ARHGEF18: variants seen among roughly 807,000 people sequenced by gnomAD.
ARHGEF18 encodes the protein rho guanine nucleotide exchange factor 18.
ARHGEF18 carries 93 observed loss-of-function variants against 155.7 expected under a neutral mutation model. The observed-to-expected ratio is 0.60, with a 90% CI of 0.50 to 0.71. The LOEUF (loss-of-function observed/expected upper bound fraction) is 0.71. Ranked by LOEUF, ARHGEF18 falls within the 30% of genes least tolerant of loss-of-function variation. ARHGEF18 has a pLI of 0.00. For synonymous variants in ARHGEF18, 742 were observed against 753.1 expected, an observed-to-expected ratio of 0.99 and a Z score of 0.24; for missense variants, 1,593 against 1,816.1, an observed-to-expected ratio of 0.88 and a Z score of 2.23.
intron 10 of ARHGEF18, among the ~76,000 whole-genome samples, chr19:7,437,483 G>T (rs936335741): frequency 4.6e-5 from 7 of 151,398 alleles, no homozygotes; most frequent in Admixed American, 3.9e-4. Flanking sequence ...GAGCTGCTGC[G>T]AGTACGTTTT....
At chr19:7,424,916 C>T (rs1389375277) in intron 10 of ARHGEF18, among the ~76,000 whole-genome samples, 5 of 151,666 alleles carry the variant, frequency 3.3e-5, no homozygotes, top group Non-Finnish European at 7.4e-5. Context: ...ATCGCTGGAA[C>T]CCGGGAGGCA....
chr19:7,409,327 TA>T (rs142783549), intron 10 of ARHGEF18, among the ~76,000 whole-genome samples: 40 of 114,668 alleles, frequency 3.5e-4, no homozygotes, highest in African/African-American at 4.0e-4. Context: ...CCCTGTTTCT[TA>T]AAAAAAAAAA....
chr19:7,373,459 G>GT (rs1352283681), intron 3 of ARHGEF18, among the ~76,000 whole-genome samples: 28 of 113,628 alleles, frequency 2.5e-4, no homozygotes, highest in African/African-American at 1.4e-3. Context: ...TTGTTTTTGT[G>GT]TTTGTTTTTT....
At chr19:7,385,935 T>C (rs867281565) in intron 10 of ARHGEF18, among the ~76,000 whole-genome samples, 841 of 70,330 alleles carry the variant, frequency 0.012, 15 homozygotes, top group Non-Finnish European at 0.016. Context: ...TCTCTCTCTC[T>C]CCCCCTCTCC....
intron 7 of ARHGEF18, among the ~76,000 whole-genome samples, chr19:7,380,177 A>T (rs1189574155): frequency 1.7e-5 from 2 of 120,688 alleles, no homozygotes; most frequent in Admixed American, 8.2e-5. Context: ...AACCCTGTTT[A>T]AAAAAAAAAA....
intron 5 of ARHGEF18, among the ~76,000 whole-genome samples, chr19:7,377,188 A>G (rs540525953): frequency 6.6e-6 from 1 of 151,760 alleles, no homozygotes; most frequent in South Asian, 2.1e-4. Flanking sequence ...CTCCGGCCTC[A>G]GCCTCCCAAG....
At chr19:7,466,697 G>A (rs1368484747) in intron 23 of ARHGEF18, among the ~76,000 whole-genome samples, 1 of 150,742 alleles carries the variant, frequency 6.6e-6, no homozygotes, top group African/African-American at 2.4e-5. Context: ...CCAATTACTC[G>A]GGAGGTTGAG....
chr19:7,440,453 G>A lies in ARHGEF18; in HGVS notation c.1077G>A (p.Pro359=), dbSNP rs754601209. 1.9e-5 allele frequency: 30 copies of A among 1,599,942 alleles called. No individual in the cohort carries two copies. The highest frequency in any genetic ancestry group is 1.9e-4 in the South Asian group (17 of 91,076). ...AGAAAGGGGGTCCCCAGCCAACACC[G>A]AGCCCGGCTGGCCCTGGGACGCAAC... ...VSQKGGPQPT[P]SPAGPGTQLG... The change falls in exon 11 of 29, where the codon CCG becomes CCA. Residue 359 remains proline (P), a synonymous_variant. Coordinates refer to ENST00000668164, the MANE Select transcript of ARHGEF18 (RefSeq NM_001367823.1). This position sits in a 1 kb window ranked among gnomAD's most constrained non-coding sequence, Gnocchi z 5.4.
intron 2 of ARHGEF18, among the ~76,000 whole-genome samples, chr19:7,364,880 C>G (rs1969816820): frequency 6.6e-6 from 1 of 152,296 alleles, no homozygotes; most frequent in East Asian, 1.9e-4. Context: ...GAAGCAGACT[C>G]AGACGGAGTT....
At chr19:7,402,248 A>G (rs1331889695) in intron 10 of ARHGEF18, among the ~76,000 whole-genome samples, 1 of 152,034 alleles carries the variant, frequency 6.6e-6, no homozygotes, top group South Asian at 2.1e-4. Flanking sequence ...GTGAAGCCCA[A>G]TCTCTACTAA....
intron 10 of ARHGEF18, among the ~76,000 whole-genome samples, chr19:7,397,732 C>CA (rs528314433): frequency 3.6e-3 from 465 of 130,776 alleles, no homozygotes; most frequent in East Asian, 0.02. Context: ...GATTCCATCT[C>CA]AAAAAAAAAA....
intron 10 of ARHGEF18, among the ~76,000 whole-genome samples, chr19:7,399,828 A>T (rs1971939530): frequency 6.7e-6 from 1 of 149,706 alleles, no homozygotes; most frequent in Non-Finnish European, 1.5e-5. Context: ...GCTGGAGAGC[A>T]GTGGTACGAT....
At chr19:7,445,018 T>C (rs993367520) in intron 14 of ARHGEF18, among the ~76,000 whole-genome samples, 38 of 152,212 alleles carry the variant, frequency 2.5e-4, no homozygotes, top group African/African-American at 8.2e-4. Flanking sequence ...GCAGTTCATA[T>C]TCTAGAAACA....
In ARHGEF18 at chr19:7,395,274, A is replaced by C; in HGVS notation, c.967+12071A>C. The C allele has an allele frequency of 1.0e-6, 1 of 985,836 alleles. No individual in the cohort carries two copies. The highest frequency in any genetic ancestry group is 1.2e-6 in the Non-Finnish European group (1 of 830,368). The allele number at this position is 985,836 out of a possible 1,614,324, so 61.1% of individuals were successfully genotyped here. On this transcript the variant is annotated intron_variant, in intron 10 of 28. Coordinates refer to ENST00000668164, the MANE Select transcript of ARHGEF18 (RefSeq NM_001367823.1). This position sits in a 1 kb window ranked among gnomAD's most constrained non-coding sequence, Gnocchi z 5.0. ...TGAGGACGGCGGCGGGGCGGTCCCGAGGAAAACGGGGCTCAGGAGGGGGCC... is the reference window on the plus strand; with the variant it reads ...TGAGGACGGCGGCGGGGCGGTCCCGCGGAAAACGGGGCTCAGGAGGGGGCC...
chr19:7,375,204 G>A (rs1321682741), intron 3 of ARHGEF18, among the ~76,000 whole-genome samples: 8 of 150,854 alleles, frequency 5.3e-5, no homozygotes, highest in Admixed American at 4.0e-4. Flanking sequence ...CCTGGGAGGC[G>A]GAGGTTGCAG....
At position 7,389,532 on chromosome 19, in the gene ARHGEF18, T is replaced by C. The variant is rs181387247; in HGVS notation, c.967+6329T>C. Among the ~76,000 whole-genome samples the C allele has an allele frequency of 2.1e-5, 3 of 145,412 alleles. No individual in the cohort carries two copies. In the East Asian group the frequency reaches 6.0e-4, roughly 29 times the overall value. On this transcript the variant is annotated intron_variant, in intron 10 of 28. Coordinates refer to ENST00000668164, the MANE Select transcript of ARHGEF18 (RefSeq NM_001367823.1). ...CTTCCTTCCTTTCTTTCTTTCTTAT[T>C]TACTTATTTTTTTTTTTTTGAGATG... is the stretch of plus-strand genomic sequence containing the variant.
At chr19:7,449,093 G>A (rs1173188454) in intron 15 of ARHGEF18, among the ~76,000 whole-genome samples, 1 of 152,096 alleles carries the variant, frequency 6.6e-6, no homozygotes, top group Non-Finnish European at 1.5e-5. Flanking sequence ...GGATTCCAAT[G>A]AAACCTCCGT....
intron 15 of ARHGEF18, 56 bp downstream of exon 15, chr19:7,447,224 C>T (rs1975055377): frequency 6.6e-7 from 1 of 1,509,396 alleles, no homozygotes; most frequent in Non-Finnish European, 8.9e-7. Context: ...GGCGCAGTGG[C>T]TCACGCCTGT....
At chr19:7,461,781 C>G (rs1007823966) in intron 20 of ARHGEF18, among the ~76,000 whole-genome samples, 1 of 152,100 alleles carries the variant, frequency 6.6e-6, no homozygotes, top group African/African-American at 2.4e-5. Context: ...TCAAGCGATC[C>G]TCCTGCCTCA....
Sources: allele counts gnomAD v4.1 joint callset (sites outside exome capture counted in the v4.1 genomes callset), GRCh38; gene constraint gnomAD v4.1.1; non-coding constraint Gnocchi (gnomAD v3.1); transcripts MANE v1.5; gene names NCBI Gene and HGNC (gene_info 2026-07-23, HGNC 2026-07-21).